The following RBFOX1 variants were observed in gnomAD, a reference collection of about 807,000 sequenced individuals.
The protein encoded by RBFOX1 is RNA binding protein fox-1 homolog 1.
In RBFOX1, 8 loss-of-function variants were observed where a neutral mutation model predicts 57.7. The ratio of observed to expected loss-of-function variants is 0.14; its 90% CI spans 0.08 to 0.25. RBFOX1 has a LOEUF of 0.25. RBFOX1 is among the 10% of genes least tolerant of loss of function. The pLI, the probability that RBFOX1 is intolerant of heterozygous loss-of-function variation, is 1.00. For synonymous variants in RBFOX1, 326 were observed against 222.4 expected (o/e 1.47, Z -4.15); for missense variants, 611 against 548.5 (o/e 1.11, Z -1.14).
intron 14 of RBFOX1, among the ~76,000 whole-genome samples, chr16:7,679,050 A>G (rs57820136): frequency 0.03 from 4,644 of 152,300 alleles, 145 homozygotes; most frequent in East Asian, 0.18. Context: ...TAACTTTATC[A>G]TAAGCAAGAC....
At chr16:7,554,464 A>G (rs3826223) in intron 5 of RBFOX1, among the ~76,000 whole-genome samples, 7,796 of 152,194 alleles carry the variant, frequency 0.051, 282 homozygotes, top group East Asian at 0.13. Context: ...AACAGAGAAA[A>G]CCAAATTCCC....
At chr16:5,530,139 A>T (rs535950197) in intron 2 of RBFOX1, among the ~76,000 whole-genome samples, 2 of 152,148 alleles carry the variant, frequency 1.3e-5, no homozygotes, top group Non-Finnish European at 2.9e-5. Context: ...CAGTGGTCTC[A>T]TACACCCTTA....
At chr16:6,863,278 G>A (rs140714266) in intron 3 of RBFOX1, among the ~76,000 whole-genome samples, 56 of 152,230 alleles carry the variant, frequency 3.7e-4, no homozygotes, top group African/African-American at 1.3e-3. Flanking sequence ...TCTTCTGGAT[G>A]CAGACTGGGA....
At chr16:5,250,854 G>A (rs941190287) in intron 1 of RBFOX1, among the ~76,000 whole-genome samples, 13 of 152,122 alleles carry the variant, frequency 8.5e-5, no homozygotes, top group Non-Finnish European at 1.2e-4. Context: ...ACATCACTTG[G>A]TGCTCTGTGC....
At chr16:5,608,959 T>C (rs557892872) in intron 3 of RBFOX1, among the ~76,000 whole-genome samples, 10 of 152,164 alleles carry the variant, frequency 6.6e-5, no homozygotes, top group African/African-American at 2.2e-4. Flanking sequence ...ACTCCTTTCT[T>C]CCCCCCATAT....
At chr16:7,250,905 G>C (rs895295386) in intron 4 of RBFOX1, among the ~76,000 whole-genome samples, 1 of 152,016 alleles carries the variant, frequency 6.6e-6, no homozygotes, top group Non-Finnish European at 1.5e-5. Context: ...TGACAAAGAT[G>C]GTATACATTT....
At chr16:5,429,110 C>A (rs1385304512) in intron 1 of RBFOX1, among the ~76,000 whole-genome samples, 1 of 152,148 alleles carries the variant, frequency 6.6e-6, no homozygotes, top group Non-Finnish European at 1.5e-5. Context: ...GGGTCAGTTT[C>A]CCTCCTGCCT....
intron 3 of RBFOX1, among the ~76,000 whole-genome samples, chr16:6,770,958 C>G (rs1016998047): frequency 6.6e-6 from 1 of 152,110 alleles, no homozygotes; most frequent in African/African-American, 2.4e-5. Flanking sequence ...TCCACTACCC[C>G]CGATTCAAAT....
chr16:6,292,898 A>G (rs1374208112), intron 1 of RBFOX1, among the ~76,000 whole-genome samples: 1 of 152,166 alleles, frequency 6.6e-6, no homozygotes, highest in Non-Finnish European at 1.5e-5. Flanking sequence ...ACTGACATTC[A>G]AAGTACTTTT....
intron 2 of RBFOX1, among the ~76,000 whole-genome samples, chr16:5,503,369 C>T (rs550400300): frequency 6.2e-4 from 95 of 152,342 alleles, no homozygotes; most frequent in African/African-American, 2.3e-3. Flanking sequence ...AATAGGTTTA[C>T]TGAGATATAA....
intron 1 of RBFOX1, among the ~76,000 whole-genome samples, chr16:5,387,525 T>G (rs1278375140): frequency 6.6e-6 from 1 of 152,166 alleles, no homozygotes; most frequent in Non-Finnish European, 1.5e-5. Flanking sequence ...AGAATTGATG[T>G]GATGAAAAGA....
intron 4 of RBFOX1, among the ~76,000 whole-genome samples, chr16:7,486,821 C>T (rs975759682): frequency 6.6e-6 from 1 of 152,160 alleles, no homozygotes; most frequent in Non-Finnish European, 1.5e-5. Context: ...CTGCCTCTTC[C>T]AGCATCCGTC....
Position 6,784,007 on chromosome 16 carries a change from C to G in RBFOX1, c.-16+129357C>G, listed in dbSNP as rs73530743. ...AGGTTTCTGCTGAGAAGTCTGCTGACAAACATTTGGACTTCTTTATATTTT... is the reference window on the plus strand; with the variant it reads ...AGGTTTCTGCTGAGAAGTCTGCTGAGAAACATTTGGACTTCTTTATATTTT... On this transcript the variant is annotated intron_variant, in intron 3 of 15. Transcript: ENST00000550418. Among the ~76,000 whole-genome samples the G allele has an allele frequency of 1.5e-3, 227 of 152,272 alleles. 3 individuals are homozygous for G. The highest frequency in any genetic ancestry group is 5.3e-3 in the African/African-American group (220 of 41,570).
chr16:6,272,894 C>A (rs1459255834), intron 1 of RBFOX1, among the ~76,000 whole-genome samples: 1 of 152,094 alleles, frequency 6.6e-6, no homozygotes, highest in Non-Finnish European at 1.5e-5. Flanking sequence ...CAAAATTTTA[C>A]ATTTTATACA....
chr16:6,801,794 T>C (rs1382824888), intron 3 of RBFOX1, among the ~76,000 whole-genome samples: 13 of 152,134 alleles, frequency 8.5e-5, no homozygotes. Context: ...GACTCAAAAT[T>C]ACAAAGTTTT....
intron 3 of RBFOX1, among the ~76,000 whole-genome samples, chr16:5,608,875 C>G (rs1457795467): frequency 2.0e-5 from 3 of 152,176 alleles, no homozygotes; most frequent in South Asian, 2.1e-4. Context: ...TGAAATGCAT[C>G]TCTGCTCTTT....
At chr16:5,847,604 A>T (rs1278638923) in intron 3 of RBFOX1, among the ~76,000 whole-genome samples, 1 of 152,160 alleles carries the variant, frequency 6.6e-6, no homozygotes, top group Non-Finnish European at 1.5e-5. Context: ...GAATTGAACA[A>T]CGTTTATTCC....
At chr16:5,629,776 T>C (rs1169112385) in intron 3 of RBFOX1, among the ~76,000 whole-genome samples, 1 of 152,200 alleles carries the variant, frequency 6.6e-6, no homozygotes, top group Non-Finnish European at 1.5e-5. Context: ...TGCTTTCTGT[T>C]CAGTTGGAAG....
At chr16:5,876,949 G>T (rs576828342) in intron 4 of RBFOX1, among the ~76,000 whole-genome samples, 5 of 152,328 alleles carry the variant, frequency 3.3e-5, no homozygotes, top group African/African-American at 1.2e-4. Flanking sequence ...AGATGCAATG[G>T]TTGAAGGGGA....
Sources: allele counts gnomAD v4.1 joint callset (sites outside exome capture counted in the v4.1 genomes callset), GRCh38; gene constraint gnomAD v4.1.1; transcripts MANE v1.5; gene names NCBI Gene and HGNC (gene_info 2026-07-23, HGNC 2026-07-21).